Variants in PAX7 observed in about 807,000 individuals in gnomAD.
PAX7 encodes the protein paired box protein Pax-7.
In PAX7, 18 loss-of-function variants were observed where a neutral mutation model predicts 50.7. The ratio of observed to expected loss-of-function variants is 0.36; its 90% CI spans 0.25 to 0.53. PAX7 has a LOEUF of 0.53. Ranked by LOEUF, PAX7 falls within the 20% of genes least tolerant of loss-of-function variation. The pLI, the probability that PAX7 is intolerant of heterozygous loss-of-function variation, is 0.93. For synonymous variants in PAX7, 310 were observed against 290.4 expected (o/e 1.07, Z -0.69); for missense variants, 644 against 702.9 (o/e 0.92, Z 0.95).
intron 4 of PAX7, among the ~76,000 whole-genome samples, chr1:18,678,137 C>T (rs183662488): frequency 1.2e-3 from 176 of 151,434 alleles, no homozygotes; most frequent in African/African-American, 4.1e-3. Context: ...TTTAGCCGGG[C>T]GCAGTGGCTC....
At chr1:18,635,708 T>C (rs999999323) in intron 3 of PAX7, among the ~76,000 whole-genome samples, 7 of 152,162 alleles carry the variant, frequency 4.6e-5, no homozygotes, top group Middle Eastern at 3.2e-3. Context: ...GACCACCGTC[T>C]CAGAGTTATG....
chr1:18,646,795 C>G (rs1392412343), intron 4 of PAX7, among the ~76,000 whole-genome samples: 1 of 151,682 alleles, frequency 6.6e-6, no homozygotes, highest in Non-Finnish European at 1.5e-5. Context: ...GCGGGGGAAG[C>G]GCTCCCGGCC....
intron 3 of PAX7, 113 bp downstream of exon 3, chr1:18,635,353 C>A: frequency 1.6e-6 from 2 of 1,289,434 alleles, no homozygotes; most frequent in Non-Finnish European, 2.1e-6. Flanking sequence ...TGTGAACTTA[C>A]TGAGAAGTTG....
intron 7 of PAX7, among the ~76,000 whole-genome samples, chr1:18,713,026 G>A (rs904127639): frequency 2.0e-5 from 3 of 152,224 alleles, no homozygotes; most frequent in African/African-American, 4.8e-5. Context: ...AGGTTGCAAT[G>A]AGCTGAGATA....
intron 7 of PAX7, among the ~76,000 whole-genome samples, chr1:18,707,415 C>CTTTTTTT (rs60914648): frequency 3.6e-5 from 1 of 28,062 alleles, no homozygotes; most frequent in Non-Finnish European, 7.5e-5. Context: ...TTTTTTCTTT[C>CTTTTTTT]TTTTTTTTTT....
At chr1:18,738,262 G>C (rs112707102) in intron 8 of PAX7, among the ~76,000 whole-genome samples, 1 of 152,162 alleles carries the variant, frequency 6.6e-6, no homozygotes, top group African/African-American at 2.4e-5. Flanking sequence ...GACCCAGCCC[G>C]TGTTCCTGGG....
intron 4 of PAX7, among the ~76,000 whole-genome samples, chr1:18,642,137 T>C (rs1255406722): frequency 6.6e-6 from 1 of 151,106 alleles, no homozygotes; most frequent in Non-Finnish European, 1.5e-5. Flanking sequence ...ACATTATATA[T>C]AAATAATATT....
chr1:18,742,571 C>A (rs1372914298), intron 8 of PAX7, among the ~76,000 whole-genome samples: 2 of 152,150 alleles, frequency 1.3e-5, no homozygotes, highest in Non-Finnish European at 2.9e-5. Context: ...TGGGAATGGC[C>A]CTACCCTCAC....
At chr1:18,658,924 G>A (rs2088561239) in intron 4 of PAX7, among the ~76,000 whole-genome samples, 1 of 152,240 alleles carries the variant, frequency 6.6e-6, no homozygotes, top group Admixed American at 6.5e-5. Flanking sequence ...TTGAGCTGGA[G>A]AGTGTGTGTG....
At chr1:18,705,105 C>T (rs2089267533) in intron 7 of PAX7, among the ~76,000 whole-genome samples, 1 of 152,190 alleles carries the variant, frequency 6.6e-6, no homozygotes, top group South Asian at 2.1e-4. Flanking sequence ...CCTTGTCAGC[C>T]CCTGCACTAG....
At chr1:18,669,358 G>C (rs893243580) in intron 4 of PAX7, among the ~76,000 whole-genome samples, 7 of 152,136 alleles carry the variant, frequency 4.6e-5, no homozygotes, top group African/African-American at 1.4e-4. Flanking sequence ...AGTGGCCTTA[G>C]GATTTAGCAA....
intron 4 of PAX7, among the ~76,000 whole-genome samples, chr1:18,654,651 C>T (rs966933163): frequency 1.3e-5 from 2 of 152,066 alleles, no homozygotes; most frequent in South Asian, 2.1e-4. Context: ...TTTGCCAGGC[C>T]GTAATAATTA....
chr1:18,678,270 G>A (rs904899260), intron 4 of PAX7, among the ~76,000 whole-genome samples: 2 of 151,904 alleles, frequency 1.3e-5, no homozygotes, highest in African/African-American at 4.8e-5. Context: ...AATTAGCTGA[G>A]CATGGTGGTG....
chr1:18,645,808 G>T (rs540142334), intron 4 of PAX7, among the ~76,000 whole-genome samples: 1 of 152,308 alleles, frequency 6.6e-6, no homozygotes, highest in South Asian at 2.1e-4. Context: ...GGAGTCCTAA[G>T]GAAGCTTCTG....
At chr1:18,648,607 T>C (rs2088383530) in intron 4 of PAX7, among the ~76,000 whole-genome samples, 1 of 152,076 alleles carries the variant, frequency 6.6e-6, no homozygotes, top group Non-Finnish European at 1.5e-5. Flanking sequence ...CCTCCCAAAG[T>C]GCTGGGATTA....
intron 4 of PAX7, among the ~76,000 whole-genome samples, chr1:18,690,440 C>A (rs2089050947): frequency 6.6e-6 from 1 of 152,192 alleles, no homozygotes; most frequent in Non-Finnish European, 1.5e-5. Flanking sequence ...TGGGAGATGC[C>A]CTGCTAGCAT....
At chr1:18,722,556 G>T (rs1178629160) in intron 7 of PAX7, among the ~76,000 whole-genome samples, 5 of 151,876 alleles carry the variant, frequency 3.3e-5, no homozygotes, top group South Asian at 2.1e-4. Context: ...GGTGTGGGAC[G>T]CGGGGGGCTG....
chr1:18,672,460 T>C (rs2088764626), intron 4 of PAX7, among the ~76,000 whole-genome samples: 1 of 152,268 alleles, frequency 6.6e-6, no homozygotes, highest in African/African-American at 2.4e-5. Flanking sequence ...AGCAGAACCA[T>C]GGCTGGCAGG....
At chr1:18,680,204 A>G (rs908134446) in intron 4 of PAX7, among the ~76,000 whole-genome samples, 1 of 152,272 alleles carries the variant, frequency 6.6e-6, no homozygotes, top group East Asian at 1.9e-4. Flanking sequence ...CTGGAGCTGC[A>G]TCAGTACCCT....
Sources: allele counts gnomAD v4.1 joint callset (sites outside exome capture counted in the v4.1 genomes callset), GRCh38; gene constraint gnomAD v4.1.1; transcripts MANE v1.5; gene names NCBI Gene and HGNC (gene_info 2026-07-23, HGNC 2026-07-21).